Variants in ECPAS observed in about 807,000 individuals in gnomAD.
ECPAS encodes proteasome adapter and scaffold protein ECM29.
A neutral mutation model predicts 255.1 loss-of-function variants in ECPAS; 70 were observed. That is an observed-to-expected ratio of 0.27 (90% CI 0.23 to 0.33). The LOEUF (loss-of-function observed/expected upper bound fraction) is 0.33, where lower values mean the gene tolerates loss of function less well. Ranked by LOEUF, ECPAS falls within the 10% of genes least tolerant of loss-of-function variation. The probability of loss-of-function intolerance (pLI) is 1.00; values close to 1 mark genes in which losing one functional copy is unlikely to be tolerated. For missense variants in ECPAS, 1,817 were observed against 2,206.4 expected (o/e 0.82, Z 3.54); for synonymous variants, 784 against 775.0 (o/e 1.01, Z -0.19).
At chr9:111,448,908 GC>G (rs1564552923) in intron 3 of ECPAS, among the ~76,000 whole-genome samples, 2 of 151,998 alleles carry the variant, frequency 1.3e-5, no homozygotes, top group African/African-American at 4.8e-5. Flanking sequence ...AAATTCATAA[GC>G]TGAGGTCATT....
intron 29 of ECPAS, among the ~76,000 whole-genome samples, chr9:111,391,317 C>T (rs1221713564): frequency 6.6e-6 from 1 of 152,170 alleles, no homozygotes; most frequent in Non-Finnish European, 1.5e-5. Context: ...GTGGCTCACG[C>T]CTGTAATCCC....
At chr9:111,376,824 A>T (rs1317429752) in intron 36 of ECPAS, among the ~76,000 whole-genome samples, 1 of 152,204 alleles carries the variant, frequency 6.6e-6, no homozygotes, top group East Asian at 1.9e-4. Context: ...CTTGAGCCTG[A>T]GGTTCTCCAT....
intron 20 of ECPAS, among the ~76,000 whole-genome samples, chr9:111,413,093 C>T (rs779338555): frequency 6.6e-6 from 1 of 152,168 alleles, no homozygotes; most frequent in Non-Finnish European, 1.5e-5. Flanking sequence ...TAGAAGTGTA[C>T]ATTGGTACCA....
rs767180014 is a variant in ECPAS at position 111,437,104 on chromosome 9, C to T, written c.544G>A (p.Val182Met). The part of the protein sequence containing the change: ...LDVLLMPYGY[V>M]LNESQSRQNS... Reference sequence around the variant, plus strand: ...TGGCGACTCTGGGATTCATTTAACACGTAACTGGAAAGGAAATAACACTTT... The same window carrying T: ...TGGCGACTCTGGGATTCATTTAACATGTAACTGGAAAGGAAATAACACTTT... Residue 182 changes from valine (V) to methionine (M), a missense_variant, in exon 7 of 50, where the codon GTG becomes ATG. Val to Met is a conservative substitution (Grantham distance 21). Around this residue, in one of 4 missense-constraint regions of ECPAS, gnomAD observed 573 missense variants for 716.2 expected, o/e 0.80. Coordinates refer to ENST00000684092, the MANE Select transcript of ECPAS (RefSeq NM_001364929.1). 8.8e-6 allele frequency: 14 copies of T among 1,597,482 alleles called. No individual in the cohort carries two copies. The South Asian group carries it at 1.0e-4, about 12-fold the overall frequency.
At chr9:111,405,618 T>C (rs1021599031) in intron 24 of ECPAS, among the ~76,000 whole-genome samples, 2 of 149,900 alleles carry the variant, frequency 1.3e-5, no homozygotes, top group South Asian at 2.1e-4. Context: ...ACCTATGGCA[T>C]AGACGAAAAT....
intron 32 of ECPAS, 140 bp from the exon 33 acceptor site, chr9:111,385,582 T>G: frequency 4.7e-6 from 3 of 635,576 alleles, no homozygotes; most frequent in Non-Finnish European, 8.4e-6. Flanking sequence ...ATGACTTCTC[T>G]CCAGGTCCCT....
At chr9:111,451,319 T>C in intron 3 of ECPAS, 106 bp downstream of exon 3, 1 of 1,158,730 alleles carries the variant, frequency 8.6e-7, no homozygotes, top group Non-Finnish European at 1.2e-6. Flanking sequence ...AAGGCCATAA[T>C]TAAGATCACA....
At chr9:111,434,629 G>A (rs751910924) in intron 7 of ECPAS, among the ~76,000 whole-genome samples, 7 of 132,078 alleles carry the variant, frequency 5.3e-5, no homozygotes, top group Non-Finnish European at 9.2e-5. Flanking sequence ...TCCCTCTGTC[G>A]CCCAGGCTGG....
chr9:111,401,780 C>T (rs1589148666), intron 24 of ECPAS, among the ~76,000 whole-genome samples: 2 of 152,212 alleles, frequency 1.3e-5, no homozygotes, highest in South Asian at 4.1e-4. Context: ...ACTTCTCCTG[C>T]TCACACATCT....
At chr9:111,447,157 CT>C (rs2098254277) in intron 3 of ECPAS, among the ~76,000 whole-genome samples, 1 of 151,554 alleles carries the variant, frequency 6.6e-6, no homozygotes, top group South Asian at 2.1e-4. Context: ...CAGGGTCTCA[CT>C]CTGTCACTCA....
rs563236216 is a variant in ECPAS at position 111,372,605 on chromosome 9, G to A, written c.4352C>T (p.Thr1451Ile). The change falls in exon 42 of 50, where the codon ACC becomes ATC. Residue 1451 changes from threonine (T) to isoleucine (I), a missense_variant. Coordinates refer to ENST00000684092, the MANE Select transcript of ECPAS (RefSeq NM_001364929.1). The part of the protein sequence containing the change: ...YMEKEEPIYK[T>I]SCALTIHAIG... Reference sequence around the variant, plus strand: ...AGCATGAATAGTCAAAGCACAAGAGGTCTTGTAGATAGGTTCTGAAAAGGA... The same window carrying A: ...AGCATGAATAGTCAAAGCACAAGAGATCTTGTAGATAGGTTCTGAAAAGGA... The A allele has an allele frequency of 1.2e-5, 19 of 1,610,560 alleles. No individual in the cohort carries two copies. The African/African-American group carries it at 1.9e-4, about 16-fold the overall frequency.
At chr9:111,372,674 G>A in intron 41 of ECPAS, 54 bp from the exon 42 acceptor site, 1 of 1,337,730 alleles carries the variant, frequency 7.5e-7, no homozygotes, top group Non-Finnish European at 1.0e-6. Flanking sequence ...AAGGGTAACT[G>A]ATCTAAACAG....
intron 25 of ECPAS, among the ~76,000 whole-genome samples, chr9:111,394,730 T>C (rs975220327): frequency 1.3e-5 from 2 of 152,164 alleles, no homozygotes; most frequent in Non-Finnish European, 2.9e-5. Context: ...TAATTCTTTA[T>C]CATACAAAGC....
intron 24 of ECPAS, among the ~76,000 whole-genome samples, chr9:111,399,799 G>A (rs1179060455): frequency 6.6e-6 from 1 of 152,254 alleles, no homozygotes; most frequent in African/African-American, 2.4e-5. Flanking sequence ...CCCCAGGCAA[G>A]AAGGGAATCT....
intron 24 of ECPAS, among the ~76,000 whole-genome samples, chr9:111,404,757 A>G (rs1276095643): frequency 1.4e-5 from 2 of 146,892 alleles, no homozygotes; most frequent in Non-Finnish European, 3.0e-5. Flanking sequence ...CTAATATGCC[A>G]ACGGCAAACA....
intron 1 of ECPAS, among the ~76,000 whole-genome samples, chr9:111,483,335 C>T (rs1268152110): frequency 6.6e-6 from 1 of 151,374 alleles, no homozygotes; most frequent in Non-Finnish European, 1.5e-5. Context: ...CCAGCGGCGA[C>T]GGTCCGCGCC....
In ECPAS at chr9:111,410,169, A is replaced by C; in HGVS notation, c.2422T>G (p.Cys808Gly). The C allele has an allele frequency of 6.2e-7, 1 of 1,613,308 alleles. No individual in the cohort carries two copies. The highest frequency in any genetic ancestry group is 8.5e-7 in the Non-Finnish European group (1 of 1,179,658). ...CTGCCAATTTCACCCAGGGCTGTGC[A>C]GGCAGCAATTGCCAGGAGGGGTGAT... ...STSPLLAIAA[C>G]TALGEIGRNG... The change falls in exon 23 of 50, where the codon TGC becomes GGC. Residue 808 changes from cysteine (C) to glycine (G), a missense_variant. Coordinates refer to ENST00000684092, the MANE Select transcript of ECPAS (RefSeq NM_001364929.1).
chr9:111,423,447 A>T (rs1012442607), intron 12 of ECPAS, among the ~76,000 whole-genome samples, 199 bp from the exon 13 acceptor site: 39 of 152,186 alleles, frequency 2.6e-4, no homozygotes, highest in African/African-American at 8.7e-4. Flanking sequence ...AATCCATCAC[A>T]CTAACTAAAA....
intron 10 of ECPAS, among the ~76,000 whole-genome samples, chr9:111,426,959 A>G (rs1015869613): frequency 1.3e-5 from 2 of 152,118 alleles, no homozygotes; most frequent in African/African-American, 4.8e-5. Flanking sequence ...GGTGGCACAG[A>G]AAGACTCCGT....
Sources: gnomAD v4.1 joint callset for allele counts (sites outside exome capture counted in the v4.1 genomes callset) on GRCh38, gnomAD v4.1.1 for gene constraint, gnomAD v4.1.1 regional missense constraint, MANE v1.5 for transcripts, NCBI Gene and HGNC (gene_info 2026-07-23, HGNC 2026-07-21) for gene names.